The following CHST9 variants were observed in gnomAD, a reference collection of about 807,000 sequenced individuals.
The protein encoded by CHST9 is carbohydrate sulfotransferase 9.
Under a neutral mutation model 44.4 loss-of-function variants are expected in CHST9, and 41 were observed. The ratio of observed to expected loss-of-function variants is 0.92; its 90% confidence interval spans 0.72 to 1.20. The LOEUF (loss-of-function observed/expected upper bound fraction) is 1.20. CHST9 is among the 50% of genes most tolerant of loss of function. The pLI is 0.00. For synonymous variants in CHST9, 171 were observed against 178.4 expected, an observed-to-expected ratio of 0.96 and a Z score of 0.33; for missense variants, 504 against 516.5, an observed-to-expected ratio of 0.98 and a Z score of 0.23.
At chr18:27,124,686 G>A (rs1272265491) in intron 2 of CHST9, among the ~76,000 whole-genome samples, 1 of 152,140 alleles carries the variant, frequency 6.6e-6, no homozygotes, top group Non-Finnish European at 1.5e-5. Context: ...CTTAGCTTTA[G>A]TTTATTGGAC....
At chr18:26,975,061 G>A (rs778013982) in intron 4 of CHST9, among the ~76,000 whole-genome samples, 2 of 152,184 alleles carry the variant, frequency 1.3e-5, no homozygotes, top group African/African-American at 4.8e-5. Flanking sequence ...GCTGTTACGC[G>A]GCAGAGCTGC....
intron 3 of CHST9, among the ~76,000 whole-genome samples, chr18:27,033,122 CAGACACAGACCTTGT>C (rs1455044759): frequency 6.6e-6 from 1 of 152,196 alleles, no homozygotes; most frequent in East Asian, 1.9e-4. Flanking sequence ...GAATTCCTCC[CAGACACAGACCTTGT>C]ATTATTCCAG....
rs561823643 is a variant in CHST9, at chr18:27,049,829, G to A, written c.122-1326C>T. On this transcript the variant is annotated intron_variant, in intron 2 of 5. Coordinates refer to ENST00000618847, the MANE Select transcript of CHST9 (RefSeq NM_031422.6). ...AAGAAATGTTCATCATAAGATGGCT[G>A]AAGCTGAAGGAGTGAATGGGGCATA... Among the ~76,000 whole-genome samples the A allele has an allele frequency of 2.3e-4, 35 of 152,314 alleles. No individual in the cohort carries two copies. The South Asian group carries it at 7.2e-3, about 32-fold the overall frequency.
chr18:27,066,145 A>C (rs550014276), intron 2 of CHST9, among the ~76,000 whole-genome samples: 4 of 152,362 alleles, frequency 2.6e-5, no homozygotes, highest in South Asian at 2.1e-4. Context: ...TCTGGGCAAC[A>C]AAGTCAAAAG....
chr18:27,039,084 G>A (rs1243372263), intron 3 of CHST9, among the ~76,000 whole-genome samples: 4 of 152,142 alleles, frequency 2.6e-5, no homozygotes, highest in African/African-American at 9.7e-5. Context: ...ATGAAATCTG[G>A]AGAGTCTTAC....
At chr18:27,126,007 AAAAC>A (rs2058420038) in intron 2 of CHST9, among the ~76,000 whole-genome samples, 1 of 152,244 alleles carries the variant, frequency 6.6e-6, no homozygotes, top group Non-Finnish European at 1.5e-5. Context: ...ATTACAGAAA[AAAAC>A]AAAATTATAT....
chr18:27,154,554 A>T (rs2058683630), intron 1 of CHST9, among the ~76,000 whole-genome samples: 1 of 152,158 alleles, frequency 6.6e-6, no homozygotes, highest in Non-Finnish European at 1.5e-5. Flanking sequence ...AATAAAGAAG[A>T]CCACAGGCAT....
chr18:26,978,441 C>A (rs1345033028), intron 4 of CHST9, among the ~76,000 whole-genome samples: 2 of 151,996 alleles, frequency 1.3e-5, no homozygotes, highest in East Asian at 3.9e-4. Flanking sequence ...TATTGCCACC[C>A]CTCACAAATG....
At position 27,151,473 on chromosome 18, in the gene CHST9, C is replaced by T. The variant is rs533005419; in HGVS notation, c.-96-8568G>A. Among the ~76,000 whole-genome samples, 55 of 152,284 alleles carry T rather than the reference C, an allele frequency of 3.6e-4. 1 individual carries two copies. The South Asian group carries it at 9.5e-3, about 26-fold the overall frequency. On this transcript the variant is annotated intron_variant, in intron 1 of 5. Coordinates refer to ENST00000618847, the MANE Select transcript of CHST9 (RefSeq NM_031422.6). ...ATGAGTCTCCCAAAAGGTCCACCCCCTAATCACTGGAAGCTGTGAATATGT... is the reference window on the plus strand; with the variant it reads ...ATGAGTCTCCCAAAAGGTCCACCCCTTAATCACTGGAAGCTGTGAATATGT...
chr18:26,949,825 T>C (rs2056219207), intron 4 of CHST9, among the ~76,000 whole-genome samples: 2 of 152,016 alleles, frequency 1.3e-5, no homozygotes, highest in South Asian at 4.2e-4. Context: ...GCAGGAGAGT[T>C]TACAGCAGAG....
At chr18:26,959,387 T>C (rs1473746757) in intron 4 of CHST9, among the ~76,000 whole-genome samples, 1 of 152,186 alleles carries the variant, frequency 6.6e-6, no homozygotes, top group East Asian at 1.9e-4. Context: ...ATCTGGGTGA[T>C]GGGATCAATG....
chr18:27,082,382 C>A (rs1189299030), intron 2 of CHST9, among the ~76,000 whole-genome samples: 1 of 152,012 alleles, frequency 6.6e-6, no homozygotes, highest in East Asian at 1.9e-4. Context: ...GAAAAACATA[C>A]AATGTACAGA....
chr18:27,148,672 C>G (rs1194073296), intron 1 of CHST9, among the ~76,000 whole-genome samples: 8 of 149,804 alleles, frequency 5.3e-5, no homozygotes, highest in East Asian at 2.0e-4. Context: ...GGACATTTGG[C>G]TTGGTTCCAA....
intron 2 of CHST9, among the ~76,000 whole-genome samples, chr18:27,131,513 T>C (rs1343837675): frequency 1.3e-5 from 2 of 152,088 alleles, no homozygotes; most frequent in Non-Finnish European, 2.9e-5. Flanking sequence ...ATCGCACTAT[T>C]GCACTCCAGC....
At chr18:27,010,380 CA>C (rs751725156) in intron 4 of CHST9, among the ~76,000 whole-genome samples, 15 of 152,166 alleles carry the variant, frequency 9.9e-5, no homozygotes, top group Non-Finnish European at 1.9e-4. Flanking sequence ...TCATTGGCCA[CA>C]CATGAATATT....
At chr18:26,985,277 A>G (rs533969827) in intron 4 of CHST9, among the ~76,000 whole-genome samples, 1 of 152,246 alleles carries the variant, frequency 6.6e-6, no homozygotes, top group Non-Finnish European at 1.5e-5. Flanking sequence ...ACCAGTCAAA[A>G]TGAATCTATG....
At chr18:26,945,731 T>C (rs545557403) in intron 4 of CHST9, among the ~76,000 whole-genome samples, 13 of 152,336 alleles carry the variant, frequency 8.5e-5, no homozygotes, top group African/African-American at 2.9e-4. Context: ...TAAACATTTT[T>C]GTACAGGTTA....
intron 2 of CHST9, among the ~76,000 whole-genome samples, chr18:27,108,562 A>G (rs1240922387): frequency 6.6e-6 from 1 of 152,194 alleles, no homozygotes. Context: ...GAATGAAAAG[A>G]AAAAAATGCA....
At chr18:26,995,268 A>AG in intron 4 of CHST9, among the ~76,000 whole-genome samples, 1 of 151,250 alleles carries the variant, frequency 6.6e-6, no homozygotes, top group Admixed American at 6.6e-5. Flanking sequence ...CTAAAAAAAA[A>AG]AAAAAAAAAA....
Sources: allele counts gnomAD v4.1 joint callset (sites outside exome capture counted in the v4.1 genomes callset), GRCh38; gene constraint gnomAD v4.1.1; transcripts MANE v1.5; gene names NCBI Gene and HGNC (gene_info 2026-07-23, HGNC 2026-07-21).